The following WHAMM variants were observed in gnomAD, a reference collection of about 807,000 sequenced individuals.
WHAMM encodes WASP homolog-associated protein with actin, membranes and microtubules.
In WHAMM, 67 loss-of-function variants were observed where a neutral mutation model predicts 76.5. That is an observed-to-expected ratio of 0.88 (90% confidence interval 0.72 to 1.07). The LOEUF (loss-of-function observed/expected upper bound fraction) is 1.07, where lower values mean the gene tolerates loss of function less well. WHAMM is among the 50% of genes least tolerant of loss of function. The pLI, the probability that WHAMM is intolerant of heterozygous loss-of-function variation, is 0.00. For synonymous variants in WHAMM, 419 were observed against 422.1 expected (o/e 0.99, Z 0.09); for missense variants, 1,021 against 1,051.1 (o/e 0.97, Z 0.40).
intron 3 of WHAMM, among the ~76,000 whole-genome samples, chr15:82,817,162 A>G (rs987413094): frequency 3.3e-5 from 5 of 152,222 alleles, no homozygotes; most frequent in African/African-American, 9.6e-5. Flanking sequence ...GCTTGCCCCA[A>G]TATCTGAAGG....
intron 3 of WHAMM, among the ~76,000 whole-genome samples, 181 bp downstream of exon 3, chr15:82,817,023 A>G (rs1420800690): frequency 6.6e-6 from 1 of 152,216 alleles, no homozygotes; most frequent in East Asian, 1.9e-4. Flanking sequence ...TTATCTATTC[A>G]TTGAAGCACA....
chr15:82,819,655 CAAAG>C (rs1414645562), intron 5 of WHAMM, among the ~76,000 whole-genome samples, 167 bp downstream of exon 5: 3 of 152,086 alleles, frequency 2.0e-5, no homozygotes, highest in Non-Finnish European at 4.4e-5. Context: ...CATAGCAAAA[CAAAG>C]AAAGAAAAAT....
chr15:82,816,697 T>G lies in WHAMM; in HGVS notation c.789T>G (p.Ser263=). Reference sequence around the variant, plus strand: ...ATTTTCCCTTCTGTCTGTAGAAGTCTTTGGATGAGGATGACCTAGGTCCTA... The same window carrying G: ...ATTTTCCCTTCTGTCTGTAGAAGTCGTTGGATGAGGATGACCTAGGTCCTA... The part of the protein sequence containing the change: ...ATLCKLDILK[S]LDEDDLGPRR... Residue 263 remains serine, a synonymous_variant, in exon 3 of 10, where the codon TCT becomes TCG. Coordinates refer to ENST00000286760, the MANE Select transcript of WHAMM (RefSeq NM_001080435.3). 2 of 1,551,612 alleles carry G rather than the reference T, an allele frequency of 1.3e-6. No individual in the cohort carries two copies. Among genetic ancestry groups the G allele is most frequent in the Non-Finnish European group, 8.7e-7 (1 of 1,147,494 alleles).
chr15:82,836,033 CT>C lies in WHAMM; in HGVS notation c.*2498del, dbSNP rs2051122328. On this transcript the variant is annotated 3_prime_UTR_variant, in exon 10 of 10. Coordinates refer to ENST00000286760, the MANE Select transcript of WHAMM (RefSeq NM_001080435.3). The stretch of plus-strand genomic sequence containing the variant: ...ATTCTCAGAATTTGCTTTCTAAGGG[CT>C]GCCAAACACAAGAGGCCTTTGAAAA... The C allele has an allele frequency of 6.6e-6, 1 of 152,202 alleles. No individual in the cohort carries two copies. Among genetic ancestry groups the C allele is most frequent in the South Asian group, 2.1e-4 (1 of 4,832 alleles). 9.4% of individuals were successfully genotyped at this position (152,202 alleles called of 1,614,324 possible).
rs56168171 is a variant in WHAMM at position 82,834,391 on chromosome 15, G to A, written c.*855G>A. The A allele has an allele frequency of 0.03, 4,581 of 152,562 alleles. 82 individuals are homozygous for A. The highest frequency in any genetic ancestry group is 0.045 in the Non-Finnish European group (3,097 of 68,070). The allele number at this position is 152,562 out of a possible 1,614,324, so 9.5% of individuals were successfully genotyped here. A position where few individuals can be genotyped will look rare whatever the true frequency, so the allele number is the denominator to read the frequency against. On this transcript the variant is annotated 3_prime_UTR_variant, in exon 10 of 10. Coordinates refer to ENST00000286760, the MANE Select transcript of WHAMM (RefSeq NM_001080435.3). ...TCTTAAAACTGGGGAGGGACGTAGA[G>A]ATGAGAGTTTCACACACCAGCCCAT...
chr15:82,813,306 A>T (rs2050661472), intron 2 of WHAMM, 30 bp downstream of exon 2: 1 of 1,450,632 alleles, frequency 6.9e-7, no homozygotes, highest in African/African-American at 1.4e-5. Context: ...TTACTTTATC[A>T]GATTTACTAT....
intron 8 of WHAMM, 116 bp downstream of exon 8, chr15:82,826,962 T>A (rs1381139411): frequency 2.4e-5 from 27 of 1,124,534 alleles, no homozygotes; most frequent in Middle Eastern, 3.1e-4. Flanking sequence ...GTGAAACATT[T>A]AAAAAATACC....
intron 4 of WHAMM, among the ~76,000 whole-genome samples, chr15:82,818,336 A>T (rs558784678): frequency 1.2e-4 from 18 of 152,268 alleles, no homozygotes; most frequent in Middle Eastern, 6.8e-3. Flanking sequence ...GTGTATACAC[A>T]TTACTTAGCT....
chr15:82,814,401 T>G (rs1287573781), intron 2 of WHAMM, among the ~76,000 whole-genome samples: 1 of 152,232 alleles, frequency 6.6e-6, no homozygotes, highest in East Asian at 1.9e-4. Context: ...TTCTGTTCAT[T>G]ATTTTGAAAG....
chr15:82,809,950 C>G lies in WHAMM; in HGVS notation c.224C>G (p.Pro75Arg), dbSNP rs1212748317. Residue 75 changes from proline (P) to arginine (R), a missense_variant, in exon 1 of 10, where the codon CCG (proline) becomes CGG (arginine). By Grantham distance (103) the Pro-to-Arg change is moderately radical. Around this residue, in one of 3 missense-constraint regions of WHAMM, gnomAD observed 501 missense variants for 524.9 expected, o/e 0.95. Transcript: ENST00000286760. ...CCCAAGCCTGAGGCCGCCGTCTCCCCGTCCAGCTGGGCCGGCCTGCTCTCG... is the reference window on the plus strand; with the variant it reads ...CCCAAGCCTGAGGCCGCCGTCTCCCGGTCCAGCTGGGCCGGCCTGCTCTCG... ...PEPKPEAAVSPSSWAGLLSAA... is the reference protein window; with the variant it reads ...PEPKPEAAVSRSSWAGLLSAA... The G allele has an allele frequency of 8.6e-6, 12 of 1,399,678 alleles. No individual in the cohort carries two copies. Among genetic ancestry groups the G allele is most frequent in the South Asian group, 1.6e-5 (1 of 62,268 alleles). The allele number at this position is 1,399,678 out of a possible 1,614,324, so 86.7% of individuals were successfully genotyped here.
At chr15:82,814,311 C>A (rs1215973311) in intron 2 of WHAMM, among the ~76,000 whole-genome samples, 1 of 152,128 alleles carries the variant, frequency 6.6e-6, no homozygotes, top group Non-Finnish European at 1.5e-5. Context: ...AATCTCATGA[C>A]CCTTGCCAGA....
chr15:82,835,152 A>C lies in WHAMM; in HGVS notation c.*1616A>C, dbSNP rs2051111188. The C allele has an allele frequency of 6.6e-6, 1 of 150,806 alleles. No individual in the cohort carries two copies. The highest frequency in any genetic ancestry group is 2.4e-5 in the African/African-American group (1 of 40,940). The allele number at this position is 150,806 out of a possible 1,614,324, so 9.3% of individuals were successfully genotyped here. On this transcript the variant is annotated 3_prime_UTR_variant, in exon 10 of 10. Coordinates refer to ENST00000286760, the MANE Select transcript of WHAMM (RefSeq NM_001080435.3). ...TTTTTTGTTTTTTTTTTTGAGACAGAGTCTTGCTCTGTCAACCAGGCTGGA... is the reference window on the plus strand; with the variant it reads ...TTTTTTGTTTTTTTTTTTGAGACAGCGTCTTGCTCTGTCAACCAGGCTGGA...
rs773358687 is a variant in WHAMM, at chr15:82,830,743, G to A, written c.1786G>A (p.Val596Ile). Reference sequence around the variant, plus strand: ...CCCGTCCTCTAGGAAAACTAGAGGTGTTCCCCTATCGGAAGCTGGTAATGT... The same window carrying A: ...CCCGTCCTCTAGGAAAACTAGAGGTATTCCCCTATCGGAAGCTGGTAATGT... ...IHPSSRKTRG[V>I]PLSEAGNVKS... The change falls in exon 9 of 10, where the codon GTT becomes ATT. Residue 596 changes from valine (V) to isoleucine (I), a missense_variant. Coordinates refer to ENST00000286760, the MANE Select transcript of WHAMM (RefSeq NM_001080435.3). 1.2e-6 allele frequency: 2 copies of A among 1,613,986 alleles called. No homozygotes were observed. The highest frequency in any genetic ancestry group is 1.7e-6 in the Non-Finnish European group (2 of 1,179,886).
chr15:82,825,048 C>G (rs2050907329), intron 6 of WHAMM, among the ~76,000 whole-genome samples: 1 of 152,040 alleles, frequency 6.6e-6, no homozygotes, highest in African/African-American at 2.4e-5. Flanking sequence ...TCGCTTGAAG[C>G]CAGGATGTTG....
chr15:82,821,412 ATTTAT>A (rs1201486056), intron 5 of WHAMM, among the ~76,000 whole-genome samples: 1 of 152,154 alleles, frequency 6.6e-6, no homozygotes, highest in Non-Finnish European at 1.5e-5. Flanking sequence ...TCCAGGTGGA[ATTTAT>A]TTTGATTGTC....
At position 82,810,252 on chromosome 15, in the gene WHAMM, G is replaced by T; in HGVS notation, c.526G>T (p.Ala176Ser). ...RDALFPAEGG[A>S]ADCESPREFR... ...CGCACTCTTCCCGGCTGAGGGCGGC[G>T]CGGCCGACTGCGAAAGCCCGCGCGA... Residue 176 changes from alanine to serine, a missense_variant, in exon 1 of 10, where the codon GCG (alanine) becomes TCG (serine). By Grantham distance (99) the Ala-to-Ser change is moderately conservative (BLOSUM62 1). Coordinates refer to ENST00000286760, the MANE Select transcript of WHAMM (RefSeq NM_001080435.3). The T allele has an allele frequency of 7.2e-7, 1 of 1,389,540 alleles. No homozygotes were observed. 86.1% of individuals were successfully genotyped at this position (1,389,540 alleles called of 1,614,324 possible).
At chr15:82,824,886 A>G (rs1007215203) in intron 6 of WHAMM, among the ~76,000 whole-genome samples, 8 of 152,208 alleles carry the variant, frequency 5.3e-5, no homozygotes, top group African/African-American at 1.9e-4. Context: ...GCTAGGTGCC[A>G]TGGCTTATGC....
At chr15:82,811,205 G>A (rs1049349379) in intron 1 of WHAMM, among the ~76,000 whole-genome samples, 1 of 152,008 alleles carries the variant, frequency 6.6e-6, no homozygotes, top group Non-Finnish European at 1.5e-5. Flanking sequence ...TTTTTGTACT[G>A]TGGGTTTTAT....
At position 82,833,584 on chromosome 15, in the gene WHAMM, G is replaced by GGTGA; in HGVS notation, c.*51_*54dup. On this transcript the variant is annotated 3_prime_UTR_variant, in exon 10 of 10. Transcript: ENST00000286760. ...TGCCACAGTAGGCTTGAATAAAGTG[G>GGTGA]GTGAGTCTTAGACCTATCGAAAAGC... is the stretch of plus-strand genomic sequence containing the variant. 6.3e-7 allele frequency: 1 copy of GGTGA among 1,591,354 alleles called. No individual in the cohort carries two copies. The highest frequency in any genetic ancestry group is 1.1e-5 in the South Asian group (1 of 88,392).
Sources: allele counts gnomAD v4.1 joint callset (sites outside exome capture counted in the v4.1 genomes callset), GRCh38; gene constraint gnomAD v4.1.1; regional missense constraint gnomAD v4.1.1; transcripts MANE v1.5; gene names NCBI Gene and HGNC (gene_info 2026-07-23, HGNC 2026-07-21).